Variants in CALCOCO2 observed in about 807,000 individuals in gnomAD.
CALCOCO2 encodes calcium-binding and coiled-coil domain-containing protein 2.
CALCOCO2 carries 42 observed loss-of-function variants against 62.5 expected under a neutral mutation model. The ratio of observed to expected loss-of-function variants is 0.67; its 90% CI spans 0.53 to 0.87. The LOEUF (loss-of-function observed/expected upper bound fraction) is 0.87, where lower values mean the gene tolerates loss of function less well. Among genes scored for constraint, CALCOCO2 ranks in the 40% least tolerant of loss-of-function variants. CALCOCO2 has a pLI of 0.00. For missense variants in CALCOCO2, 456 were observed against 515.0 expected, an observed-to-expected ratio of 0.89 and a Z score of 1.11; for synonymous variants, 167 against 173.0, an observed-to-expected ratio of 0.97 and a Z score of 0.27.
At chr17:48,846,485 A>G in intron 2 of CALCOCO2, 7 of 1,500,518 alleles carry the variant, frequency 4.7e-6, no homozygotes, top group African/African-American at 1.4e-5. Context: ...AGAACTACTC[A>G]AATGGAGGAG....
At chr17:48,855,381 G>A (rs903574972) in intron 9 of CALCOCO2, among the ~76,000 whole-genome samples, 16 of 152,120 alleles carry the variant, frequency 1.1e-4, no homozygotes, top group Non-Finnish European at 2.1e-4. Context: ...CCTCAGGGTC[G>A]GCTAGACATG....
Position 48,856,179 on chromosome 17 carries a change from GA to G in CALCOCO2, c.1004del (p.Asn335MetfsTer4). The G allele has an allele frequency of 6.3e-7, 1 of 1,575,878 alleles. No individual in the cohort carries two copies. Among genetic ancestry groups the G allele is most frequent in the Non-Finnish European group, 8.7e-7 (1 of 1,146,226 alleles). ...LQRQKERLEG[E>X]NDLLKRENSR... is the part of the protein sequence containing the mutation. ...GAGACAGAAAGAGAGATTGGAAGGA[GA>G]AAATGATGTAAGTGTGTGAAAGAGG... On this transcript the variant is annotated frameshift_variant, in exon 10 of 13. Transcript: ENST00000258947. LOFTEE classifies it high-confidence loss of function.
At chr17:48,843,217 T>A (rs1297761251) in intron 2 of CALCOCO2, among the ~76,000 whole-genome samples, 1 of 152,220 alleles carries the variant, frequency 6.6e-6, no homozygotes, top group Non-Finnish European at 1.5e-5. Context: ...ATGGTATTTT[T>A]AAATTTTAAT....
chr17:48,832,557 A>G (rs1259590331), intron 1 of CALCOCO2, among the ~76,000 whole-genome samples: 1 of 152,200 alleles, frequency 6.6e-6, no homozygotes, highest in Non-Finnish European at 1.5e-5. Flanking sequence ...AAGATTTTCT[A>G]GCCTTAGCCA....
At position 48,837,135 on chromosome 17, in the gene CALCOCO2, G is replaced by A. The variant is rs536723131; in HGVS notation, c.-10-4563G>A. On this transcript the variant is annotated intron_variant, in intron 1 of 12. Transcript: ENST00000258947. Reference sequence around the variant, plus strand: ...AAGGACAAGTTAAGTAATTTTACACGCACAGATAAATTGGTGCTCCAGGCT... The same window carrying A: ...AAGGACAAGTTAAGTAATTTTACACACACAGATAAATTGGTGCTCCAGGCT... Among the ~76,000 whole-genome samples the A allele has an allele frequency of 1.4e-4, 21 of 152,244 alleles. 1 individual carries two copies. In the South Asian group the frequency reaches 3.9e-3, roughly 29 times the overall value.
In CALCOCO2 at chr17:48,863,370, G is replaced by T; in HGVS notation, c.*365G>T. On this transcript the variant is annotated 3_prime_UTR_variant, in exon 13 of 13. Coordinates refer to ENST00000258947, the MANE Select transcript of CALCOCO2 (RefSeq NM_005831.5). ...GTTGTCCCACTGCCATTCAAAGTCA[G>T]CCCTTGAGTGTATTTGTTCTCAGTC... 3.6e-6 allele frequency: 1 copy of T among 274,196 alleles called. No homozygotes were observed. 17.0% of individuals were successfully genotyped at this position (274,196 alleles called of 1,614,324 possible).
At chr17:48,861,702 G>A (rs2040330908) in intron 11 of CALCOCO2, among the ~76,000 whole-genome samples, 3 of 143,660 alleles carry the variant, frequency 2.1e-5, no homozygotes, top group South Asian at 4.2e-4. Flanking sequence ...GTGTGTGTGT[G>A]TGTGAAATGA....
chr17:48,840,689 T>C (rs905188610), intron 1 of CALCOCO2, among the ~76,000 whole-genome samples: 35 of 152,222 alleles, frequency 2.3e-4, no homozygotes, highest in African/African-American at 8.4e-4. Context: ...AAGTTTTCTT[T>C]ATTTTCCTAA....
In CALCOCO2 at chr17:48,851,501, CA is replaced by C. The variant is rs764514135; in HGVS notation, c.633-57del. On this transcript the variant is annotated intron_variant, in intron 6 of 12. Coordinates refer to ENST00000258947, the MANE Select transcript of CALCOCO2 (RefSeq NM_005831.5). ...AAGCCAGCCTTAAATCACTTAAGGCCAGGGGTAGCTGACCTGGAATCAGTGA... is the reference window on the plus strand; with the variant it reads ...AAGCCAGCCTTAAATCACTTAAGGCCGGGGTAGCTGACCTGGAATCAGTGA... The C allele has an allele frequency of 1.6e-4, 152 of 976,766 alleles. 1 individual carries two copies. The highest frequency in any genetic ancestry group is 2.5e-4 in the Non-Finnish European group (148 of 598,744). 60.5% of individuals were successfully genotyped at this position (976,766 alleles called of 1,614,324 possible).
In CALCOCO2 at chr17:48,848,333, C is replaced by T; in HGVS notation, c.295C>T (p.Pro99Ser). The T allele has an allele frequency of 6.2e-7, 1 of 1,613,468 alleles. No homozygotes were observed. The highest frequency in any genetic ancestry group is 8.5e-7 in the Non-Finnish European group (1 of 1,179,450). Residue 99 changes from proline (P) to serine (S), a missense_variant, in exon 4 of 13, where the codon CCC (proline) becomes TCC (serine). Pro to Ser is a moderately conservative substitution (Grantham distance 74). Transcript: ENST00000258947. ...QEVQFKAYYL[P>S]KDDEYYQFCY... ...TGTTGTGTTTTCAGCTTACTACCTG[C>T]CCAAGGATGATGAGTATTACCAGTT... is the stretch of plus-strand genomic sequence containing the variant.
chr17:48,834,565 G>A (rs967276772), intron 1 of CALCOCO2, among the ~76,000 whole-genome samples: 2 of 152,152 alleles, frequency 1.3e-5, no homozygotes, highest in African/African-American at 4.8e-5. Context: ...TAATTTCTAG[G>A]GGACCTAGCT....
intron 4 of CALCOCO2, chr17:48,848,676 C>A: frequency 1.6e-6 from 1 of 608,192 alleles, no homozygotes. Context: ...TTTAACTCAG[C>A]TGGCATTCAG....
At chr17:48,848,210 G>A in intron 3 of CALCOCO2, 44 bp downstream of exon 3, 1 of 1,526,204 alleles carries the variant, frequency 6.6e-7, no homozygotes, top group Non-Finnish European at 9.1e-7. Flanking sequence ...CAGTAGCCAA[G>A]ACTAATTAAT....
intron 12 of CALCOCO2, 93 bp downstream of exon 12, chr17:48,862,397 C>T (rs1020608285): frequency 7.9e-6 from 7 of 887,376 alleles, no homozygotes; most frequent in African/African-American, 1.7e-5. Context: ...GAGACAGGTT[C>T]ATTTTGATAA....
chr17:48,858,695 T>TA (rs2040279305), intron 10 of CALCOCO2, among the ~76,000 whole-genome samples: 1 of 147,880 alleles, frequency 6.8e-6, no homozygotes, highest in African/African-American at 2.5e-5. Context: ...AGTTTGATTG[T>TA]GGGGGGGGGC....
In CALCOCO2 at chr17:48,845,409, G is replaced by A. The variant is rs1028270041; in HGVS notation, c.181-2655G>A. ...TGTGTGTGTGTGTGTGTGTGTGTGT[G>A]TGTGTGTGTGTGTATTGCCTAATTA... is the stretch of plus-strand genomic sequence containing the variant. On this transcript the variant is annotated intron_variant, in intron 2 of 12. Coordinates refer to ENST00000258947, the MANE Select transcript of CALCOCO2 (RefSeq NM_005831.5). Among the ~76,000 whole-genome samples the A allele has an allele frequency of 7.4e-5, 9 of 121,648 alleles. No homozygotes were observed. The East Asian group carries it at 2.0e-3, about 26-fold the overall frequency. 79.8% of individuals were successfully genotyped at this position (121,648 alleles called of 152,430 possible).
At chr17:48,858,034 GAATAGAATAGAA>G (rs778271078) in intron 10 of CALCOCO2, among the ~76,000 whole-genome samples, 4,299 of 24,424 alleles carry the variant, frequency 0.18, 625 homozygotes, top group South Asian at 0.36. Flanking sequence ...GAATAGAATA[GAATAGAATAGAA>G]AATAGAATAG....
chr17:48,846,247 G>T (rs189795766), intron 2 of CALCOCO2, among the ~76,000 whole-genome samples: 1 of 152,016 alleles, frequency 6.6e-6, no homozygotes, highest in African/African-American at 2.4e-5. Flanking sequence ...AGTGATTCTC[G>T]TGTCTCAGCC....
chr17:48,857,981 A>G (rs1296637639), intron 10 of CALCOCO2, among the ~76,000 whole-genome samples: 4 of 19,164 alleles, frequency 2.1e-4, no homozygotes, highest in Non-Finnish European at 4.9e-4. Context: ...CATCAATAGA[A>G]TAGAATAGAA....
Sources: allele counts gnomAD v4.1 joint callset (sites outside exome capture counted in the v4.1 genomes callset), GRCh38; gene constraint gnomAD v4.1.1; transcripts MANE v1.5; gene names NCBI Gene and HGNC (gene_info 2026-07-23, HGNC 2026-07-21).